Variants in EVPLL observed in about 807,000 individuals in gnomAD.
The protein encoded by EVPLL is envoplakin like, also known as envoplakin-like protein.
A neutral mutation model predicts 46.2 loss-of-function variants in EVPLL; 39 were observed. That is an observed-to-expected ratio of 0.84 (90% CI 0.65 to 1.10). EVPLL has a LOEUF of 1.10. Among genes scored for constraint, EVPLL ranks in the 50% least tolerant of loss-of-function variants. The pLI is 0.00. For synonymous variants in EVPLL, 156 were observed against 165.8 expected (o/e 0.94, Z 0.46); for missense variants, 385 against 412.6 (o/e 0.93, Z 0.58).
At chr17:18,385,017 A>G (rs1987724258) in intron 9 of EVPLL, among the ~76,000 whole-genome samples, 1 of 151,756 alleles carries the variant, frequency 6.6e-6, no homozygotes, top group Admixed American at 6.6e-5. Context: ...GCAAGAGATG[A>G]CAAGAGAGAC....
intron 4 of EVPLL, 38 bp from the exon 5 acceptor site, chr17:18,382,475 C>G (rs2151628545): frequency 2.6e-6 from 4 of 1,550,162 alleles, no homozygotes; most frequent in South Asian, 2.4e-5. Flanking sequence ...GCTCTCCACC[C>G]TGGTCCTGTG....
chr17:18,382,375 G>A (rs980098296), intron 4 of EVPLL, 138 bp from the exon 5 acceptor site: 30 of 1,203,812 alleles, frequency 2.5e-5, no homozygotes, highest in Non-Finnish European at 3.2e-5. Flanking sequence ...GAGCTGCAGG[G>A]CGTGCACCCG....
At position 18,377,822 on chromosome 17, in the gene EVPLL, A is replaced by ACATGCCCT. The variant is rs1020402810; in HGVS notation, c.-197_-196insATGCCCTC. The ACATGCCCT allele has an allele frequency of 5.8e-5, 38 of 652,282 alleles. No individual in the cohort carries two copies. The Middle Eastern group carries it at 1.7e-3, about 29-fold the overall frequency. The allele number at this position is 652,282 out of a possible 1,614,324, so 40.4% of individuals were successfully genotyped here. A position where few individuals can be genotyped will look rare whatever the true frequency, so the allele number is the denominator to read the frequency against. ...CCAGCAAGGACGCCCGCTGCCTCCC[A>ACATGCCCT]CCTGCCCTCCTGCCCTCCTTCACCA... On this transcript the variant is annotated 5_prime_UTR_variant, in exon 1 of 11. In the 5' UTR this introduces an upstream ATG that the reference lacks. Coordinates refer to ENST00000399134, the MANE Select transcript of EVPLL (RefSeq NM_001145127.2).
chr17:18,378,746 C>A (rs530957449), intron 1 of EVPLL, among the ~76,000 whole-genome samples: 1 of 151,544 alleles, frequency 6.6e-6, no homozygotes, highest in Non-Finnish European at 1.5e-5. Flanking sequence ...CACACCACTG[C>A]GCTCCTGCCT....
At position 18,383,059 on chromosome 17, in the gene EVPLL, GC is replaced by G. The variant is rs1567811624; in HGVS notation, c.548del (p.Pro183LeufsTer12). 2 of 1,559,946 alleles carry G rather than the reference GC, an allele frequency of 1.3e-6. No individual in the cohort carries two copies. The highest frequency in any genetic ancestry group is 1.8e-5 in the Admixed American group (1 of 54,134). On this transcript the variant is annotated frameshift_variant, in exon 7 of 11. Coordinates refer to ENST00000399134, the MANE Select transcript of EVPLL (RefSeq NM_001145127.2). LOFTEE classifies it high-confidence loss of function. ...GVVARAEPGQ[P>X]VHALQGCTWQ... ...TCGTGGCGCGGGCAGAGCCTGGGCAGCCTGTACACGCACTGCAGGGCTGCAC... is the reference window on the plus strand; with the variant it reads ...TCGTGGCGCGGGCAGAGCCTGGGCAGCTGTACACGCACTGCAGGGCTGCAC...
intron 9 of EVPLL, among the ~76,000 whole-genome samples, chr17:18,385,062 G>A (rs1484551316): frequency 6.6e-6 from 1 of 151,832 alleles, no homozygotes; most frequent in African/African-American, 2.4e-5. Flanking sequence ...GAGAAAGGGA[G>A]AGAGGGAGAG....
At position 18,381,493 on chromosome 17, in the gene EVPLL, C is replaced by T; in HGVS notation, c.190C>T (p.His64Tyr). ...CGTGGACAAGGCCCGGCGGCTCAAGCACCCGCAGGCTGAGGAGACTGAGAA... is the reference window on the plus strand; with the variant it reads ...CGTGGACAAGGCCCGGCGGCTCAAGTACCCGCAGGCTGAGGAGACTGAGAA... ...LDVDKARRLKHPQAEETEKDI... is the reference protein window; with the variant it reads ...LDVDKARRLKYPQAEETEKDI... The change falls in exon 3 of 11, where the codon CAC becomes TAC. Residue 64 changes from histidine to tyrosine, a missense_variant. By Grantham distance (83) the His-to-Tyr change is moderately conservative. Transcript: ENST00000399134. The surrounding 1 kb of genome is among the most constrained non-coding windows in gnomAD (Gnocchi z 4.2). 6.2e-7 allele frequency: 1 copy of T among 1,613,912 alleles called. No homozygotes were observed. Among genetic ancestry groups the T allele is most frequent in the Non-Finnish European group, 8.5e-7 (1 of 1,179,966 alleles).
intron 9 of EVPLL, among the ~76,000 whole-genome samples, chr17:18,385,432 C>T (rs1384382919): frequency 9.2e-6 from 1 of 108,992 alleles, no homozygotes; most frequent in Non-Finnish European, 2.0e-5. Flanking sequence ...CTTCTCCCTT[C>T]ACTAAGAGAA....
At position 18,381,654 on chromosome 17, in the gene EVPLL, C is replaced by T; in HGVS notation, c.270C>T (p.Ala90=). 1.2e-6 allele frequency: 2 copies of T among 1,614,176 alleles called. No homozygotes were observed. The highest frequency in any genetic ancestry group is 2.2e-5 in the South Asian group (2 of 91,078). ...RVTQECAEYC[A]LYEKMVLPPR... The stretch of plus-strand genomic sequence containing the variant: ...CCCAGGAGTGTGCGGAGTACTGTGC[C>T]CTGTACGAGAAGATGGTGCTGCCGC... The change falls in exon 4 of 11, where the codon GCC becomes GCT. Residue 90 remains alanine (A), a synonymous_variant. Coordinates refer to ENST00000399134, the MANE Select transcript of EVPLL (RefSeq NM_001145127.2). The surrounding 1 kb of genome is among the most constrained non-coding windows in gnomAD (Gnocchi z 4.2).
intron 4 of EVPLL, chr17:18,382,172 C>T (rs1056722394): frequency 4.4e-5 from 15 of 343,348 alleles, no homozygotes; most frequent in Middle Eastern, 9.3e-4. Context: ...TGCAGCAGGG[C>T]GTTCTGAGGG....
intron 9 of EVPLL, among the ~76,000 whole-genome samples, chr17:18,386,689 C>G (rs1290706409): frequency 1.3e-5 from 2 of 152,064 alleles, no homozygotes; most frequent in African/African-American, 4.8e-5. Flanking sequence ...AAAGATGCAG[C>G]TTAGAATGTT....
chr17:18,383,904 C>T (rs1308762778), intron 9 of EVPLL, among the ~76,000 whole-genome samples: 6 of 151,976 alleles, frequency 3.9e-5, no homozygotes, highest in Admixed American at 2.0e-4. Flanking sequence ...ACCCAGGAGG[C>T]GGAGGTTGCA....
At position 18,388,921 on chromosome 17, in the gene EVPLL, A is replaced by G. The variant is rs1397147463; in HGVS notation, c.*105A>G. ...CCGCTATGGAGCCACAGCCCACAGCATGGGGAAGTCCCCATCCAGAGGCAG... is the reference window on the plus strand; with the variant it reads ...CCGCTATGGAGCCACAGCCCACAGCGTGGGGAAGTCCCCATCCAGAGGCAG... On this transcript the variant is annotated 3_prime_UTR_variant, in exon 11 of 11. Coordinates refer to ENST00000399134, the MANE Select transcript of EVPLL (RefSeq NM_001145127.2). 1.4e-5 allele frequency: 2 copies of G among 146,338 alleles called. No individual in the cohort carries two copies. The highest frequency in any genetic ancestry group is 3.0e-5 in the Non-Finnish European group (2 of 66,436). 9.1% of individuals were successfully genotyped at this position (146,338 alleles called of 1,614,324 possible).
chr17:18,386,216 G>C (rs1337311504), intron 9 of EVPLL, among the ~76,000 whole-genome samples: 2 of 152,096 alleles, frequency 1.3e-5, no homozygotes, highest in African/African-American at 2.4e-5. Flanking sequence ...CTCTTCACCT[G>C]GTCTTCCCTC....
At chr17:18,388,661 G>A (rs598895) in intron 10 of EVPLL, 196 bp from the exon 11 acceptor site, 92,285 of 156,604 alleles carry the variant, frequency 0.59, 27,946 homozygotes, top group African/African-American at 0.67. Flanking sequence ...GTTGGGGTCC[G>A]GTCCCGAGAA....
chr17:18,384,349 T>C (rs1987699659), intron 9 of EVPLL, among the ~76,000 whole-genome samples: 1 of 151,548 alleles, frequency 6.6e-6, no homozygotes, highest in Non-Finnish European at 1.5e-5. Context: ...CTCGTGCCTA[T>C]TGCTTGAGCC....
rs572564882 is a variant in EVPLL, at chr17:18,383,421, C to T, written c.780+43C>T. The T allele has an allele frequency of 9.1e-3, 1,589 of 174,686 alleles. 16 individuals carry two copies. In the African/African-American group the frequency reaches 0.12, roughly 13 times the overall value. The allele number at this position is 174,686 out of a possible 1,614,324, so 10.8% of individuals were successfully genotyped here. A position where few individuals can be genotyped will look rare whatever the true frequency, so the allele number is the denominator to read the frequency against. Reference sequence around the variant, plus strand: ...CGAGAGTGAGAAGGGACGTGGTGGGCGGGGAAGGGGGGGGTGGACGTGGGT... The same window carrying T: ...CGAGAGTGAGAAGGGACGTGGTGGGTGGGGAAGGGGGGGGTGGACGTGGGT... On this transcript the variant is annotated intron_variant, in intron 8 of 10. Transcript: ENST00000399134.
Position 18,381,807 on chromosome 17 carries a change from G to T in EVPLL, c.346+77G>T. On this transcript the variant is annotated intron_variant, in intron 4 of 10. Coordinates refer to ENST00000399134, the MANE Select transcript of EVPLL (RefSeq NM_001145127.2). The surrounding 1 kb of genome is among the most constrained non-coding windows in gnomAD (Gnocchi z 4.2). Reference sequence around the variant, plus strand: ...GCATTTAACCCAGGGCCTGACTGTAGGCTTGAACAGTCAGTGTATAGTGGT... The same window carrying T: ...GCATTTAACCCAGGGCCTGACTGTATGCTTGAACAGTCAGTGTATAGTGGT... 1 of 1,602,126 alleles carries T rather than the reference G, an allele frequency of 6.2e-7. No individual in the cohort carries two copies. The highest frequency in any genetic ancestry group is 1.3e-5 in the African/African-American group (1 of 74,890).
At chr17:18,380,559 AG>A (rs1366997542) in intron 1 of EVPLL, 1 of 211,852 alleles carries the variant, frequency 4.7e-6, no homozygotes, top group Non-Finnish European at 9.6e-6. Context: ...AGGCTGGCTC[AG>A]GTACTACCGG....
Sources: gnomAD v4.1 joint callset for allele counts (sites outside exome capture counted in the v4.1 genomes callset) on GRCh38, gnomAD v4.1.1 for gene constraint, Gnocchi (gnomAD v3.1) non-coding constraint, MANE v1.5 for transcripts, NCBI Gene and HGNC (gene_info 2026-07-23, HGNC 2026-07-21) for gene names.